The following PTPRT variants were observed in gnomAD, a reference collection of about 807,000 sequenced individuals.
The protein encoded by PTPRT is protein tyrosine phosphatase receptor type T.
Under a neutral mutation model 176.8 loss-of-function variants are expected in PTPRT, and 56 were observed. The ratio of observed to expected loss-of-function variants is 0.32; its 90% CI spans 0.26 to 0.40. The LOEUF (loss-of-function observed/expected upper bound fraction) is 0.40. Among genes scored for constraint, PTPRT ranks in the 10% least tolerant of loss-of-function variants. The probability of loss-of-function intolerance (pLI) is 1.00; values close to 1 mark genes in which losing one functional copy is unlikely to be tolerated. For missense variants in PTPRT, 1,540 were observed against 1,908.2 expected (o/e 0.81, Z 3.60); for synonymous variants, 783 against 739.0 (o/e 1.06, Z -0.96).
chr20:42,782,487 C>A (rs998722683), intron 3 of PTPRT, among the ~76,000 whole-genome samples: 1 of 152,202 alleles, frequency 6.6e-6, no homozygotes, highest in Non-Finnish European at 1.5e-5. Context: ...ATAGTCTATT[C>A]TTTCTGAAAT....
intron 7 of PTPRT, among the ~76,000 whole-genome samples, chr20:42,524,769 T>C (rs930458075): frequency 2.0e-5 from 3 of 152,150 alleles, no homozygotes; most frequent in Non-Finnish European, 4.4e-5. Flanking sequence ...CCCACTAACA[T>C]GTTTCTTTAT....
At chr20:42,849,648 A>T (rs188361067) in intron 2 of PTPRT, among the ~76,000 whole-genome samples, 3 of 152,076 alleles carry the variant, frequency 2.0e-5, no homozygotes, top group Non-Finnish European at 4.4e-5. Context: ...TTATTATTAC[A>T]TCATCTTGGG....
In PTPRT at chr20:42,890,935, T is replaced by C. The variant is rs140783009; in HGVS notation, c.89-5003A>G. ...TGGTAGTAAGTCTCGCAAGATCTGATGATTTTTAAGGGGTTTCCCCTTTCG... is the reference window on the plus strand; with the variant it reads ...TGGTAGTAAGTCTCGCAAGATCTGACGATTTTTAAGGGGTTTCCCCTTTCG... On this transcript the variant is annotated intron_variant, in intron 1 of 30. Transcript: ENST00000373187. Among the ~76,000 whole-genome samples, 653 of 152,330 alleles carry C rather than the reference T, an allele frequency of 4.3e-3. 6 individuals are homozygous for C. Among genetic ancestry groups the C allele is most frequent in the Middle Eastern group, 0.017 (5 of 294 alleles).
At chr20:43,172,987 C>T (rs1469832659) in intron 1 of PTPRT, among the ~76,000 whole-genome samples, 2 of 152,034 alleles carry the variant, frequency 1.3e-5, no homozygotes, top group South Asian at 2.1e-4. Context: ...ATTCTCCTGC[C>T]TCAACCTCCT....
chr20:42,806,482 CAAA>C (rs11475047), intron 2 of PTPRT, among the ~76,000 whole-genome samples: 52,905 of 114,740 alleles, frequency 0.46, 9,849 homozygotes, highest in Non-Finnish European at 0.5. Flanking sequence ...GACTCTGTCT[CAAA>C]AAAAAAAAAA....
At position 42,429,965 on chromosome 20, in the gene PTPRT, T is replaced by G. The variant is rs542808250; in HGVS notation, c.1560+18255A>C. Among the ~76,000 whole-genome samples the G allele has an allele frequency of 6.4e-3, 976 of 152,338 alleles. 13 individuals carry two copies. The highest frequency in any genetic ancestry group is 0.022 in the African/African-American group (935 of 41,576). On this transcript the variant is annotated intron_variant, in intron 9 of 30. Transcript: ENST00000373187. ...GGGAACTGGGCAAGCCCGCAAGGGC[T>G]GAGTCACTCATGGAGGAAACTGTTG...
At chr20:42,619,761 G>T (rs1317327574) in intron 7 of PTPRT, among the ~76,000 whole-genome samples, 1 of 132,342 alleles carries the variant, frequency 7.6e-6, no homozygotes, top group Non-Finnish European at 1.5e-5. Flanking sequence ...CATTCTTCAC[G>T]TAGTTCTCGA....
chr20:42,366,752 T>C (rs531242448), intron 9 of PTPRT, among the ~76,000 whole-genome samples: 3 of 147,982 alleles, frequency 2.0e-5, no homozygotes, highest in Admixed American at 1.4e-4. Context: ...CTTGTGATTC[T>C]AGTGGCTACA....
At chr20:42,388,599 T>C (rs992168375) in intron 9 of PTPRT, among the ~76,000 whole-genome samples, 3 of 152,166 alleles carry the variant, frequency 2.0e-5, no homozygotes, top group South Asian at 2.1e-4. Context: ...CCAGTTAGAA[T>C]GGCGATTATT....
intron 16 of PTPRT, among the ~76,000 whole-genome samples, chr20:42,163,678 C>T (rs1989705510): frequency 2.6e-5 from 4 of 152,092 alleles, no homozygotes; most frequent in Admixed American, 2.0e-4. Flanking sequence ...AAGGACAGAG[C>T]CTGAGAGATG....
intron 1 of PTPRT, among the ~76,000 whole-genome samples, chr20:42,919,215 C>G (rs1297692813): frequency 6.6e-6 from 1 of 152,176 alleles, no homozygotes; most frequent in African/African-American, 2.4e-5. Context: ...GGTCGGGCAG[C>G]TGGGAATTTT....
chr20:42,267,412 T>C (rs1183961844), intron 13 of PTPRT, among the ~76,000 whole-genome samples: 1 of 152,218 alleles, frequency 6.6e-6, no homozygotes, highest in African/African-American at 2.4e-5. Flanking sequence ...GAAGGATCCG[T>C]ATTGAGTTAG....
intron 7 of PTPRT, among the ~76,000 whole-genome samples, chr20:42,580,312 T>TAGTA (rs1185276502): frequency 5.3e-5 from 8 of 152,104 alleles, no homozygotes; most frequent in Non-Finnish European, 1.0e-4. Flanking sequence ...TGTAGCCTTG[T>TAGTA]AGTATAGTTT....
At chr20:42,975,202 C>G (rs761266901) in intron 1 of PTPRT, among the ~76,000 whole-genome samples, 2 of 152,102 alleles carry the variant, frequency 1.3e-5, no homozygotes, top group African/African-American at 4.8e-5. Flanking sequence ...TATCTAATAT[C>G]CACTCAATGG....
At position 42,579,027 on chromosome 20, in the gene PTPRT, T is replaced by C. The variant is rs185079279; in HGVS notation, c.1153+98839A>G. On this transcript the variant is annotated intron_variant, in intron 7 of 30. Transcript: ENST00000373187. ...CACCCATTAACTCGTCATTTAACAT[T>C]AGGTATATCTTTTAATGCTATCCCT... 1.4e-3 allele frequency among the ~76,000 whole-genome samples: 206 copies of C among 151,524 alleles called. No individual in the cohort carries two copies. The East Asian group carries it at 0.026, about 19-fold the overall frequency.
chr20:42,423,672 C>G (rs760112741), intron 9 of PTPRT, among the ~76,000 whole-genome samples: 12 of 152,236 alleles, frequency 7.9e-5, no homozygotes, highest in Non-Finnish European at 1.3e-4. Flanking sequence ...TTTAACAAGA[C>G]AGGAAAAAGC....
chr20:42,272,407 T>G (rs952831409), intron 13 of PTPRT, among the ~76,000 whole-genome samples: 2 of 146,374 alleles, frequency 1.4e-5, no homozygotes, highest in Non-Finnish European at 3.0e-5. Context: ...TTTTTTAGGG[T>G]TTTTTTTTTA....
intron 11 of PTPRT, among the ~76,000 whole-genome samples, chr20:42,329,374 T>C (rs2057931787): frequency 6.6e-6 from 1 of 151,982 alleles, no homozygotes; most frequent in Non-Finnish European, 1.5e-5. Context: ...AGACTAGATA[T>C]TAAAATGTTT....
chr20:42,791,495 A>G (rs1409381182), intron 2 of PTPRT, 29 bp from the exon 3 acceptor site: 3 of 1,577,114 alleles, frequency 1.9e-6, no homozygotes, highest in African/African-American at 1.3e-5. Flanking sequence ...GGTGGGAAGT[A>G]GAGACAAAGA....
Sources: gnomAD v4.1 joint callset for allele counts (sites outside exome capture counted in the v4.1 genomes callset) on GRCh38, gnomAD v4.1.1 for gene constraint, MANE v1.5 for transcripts, NCBI Gene and HGNC (gene_info 2026-07-23, HGNC 2026-07-21) for gene names.